Variants in MYZAP observed in about 807,000 individuals in gnomAD.
MYZAP encodes GRINL1A complex locus upstream.
A neutral mutation model predicts 69.4 loss-of-function variants in MYZAP; 66 were observed. The ratio of observed to expected loss-of-function variants is 0.95; its 90% CI spans 0.78 to 1.17. The LOEUF (loss-of-function observed/expected upper bound fraction) is 1.17, where lower values mean the gene tolerates loss of function less well. Ranked by LOEUF, MYZAP falls within the 50% of genes most tolerant of loss-of-function variation. The pLI is 0.00. For missense variants in MYZAP, 611 were observed against 556.2 expected (o/e 1.10, Z -0.99); for synonymous variants, 256 against 205.9 (o/e 1.24, Z -2.09).
Position 57,618,079 on chromosome 15 carries a change from G to A in MYZAP, c.209G>A (p.Gly70Asp), listed in dbSNP as rs141271435. 4.0e-5 allele frequency: 65 copies of A among 1,614,004 alleles called. No homozygotes were observed. Among genetic ancestry groups the A allele is most frequent in the Non-Finnish European group, 5.1e-5 (60 of 1,180,022 alleles). The change falls in exon 3 of 13, where the codon GGT becomes GAT. Residue 70 changes from glycine to aspartate, a missense_variant. Coordinates refer to ENST00000267853, the MANE Select transcript of MYZAP (RefSeq NM_001018100.5). ...NGEPTRKLPQ[G>D]VVYGVVRRSD... The stretch of plus-strand genomic sequence containing the variant: ...GAACCTACCAGGAAACTTCCTCAGG[G>A]TGTTGTTTATGGTGTGGTGCGAAGA...
chr15:57,623,185 G>A (rs1377221988), intron 4 of MYZAP, among the ~76,000 whole-genome samples: 1 of 152,190 alleles, frequency 6.6e-6, no homozygotes, highest in Non-Finnish European at 1.5e-5. Context: ...GAGTGGGTCA[G>A]GACATTGTTC....
rs540803069 is a variant in MYZAP at position 57,610,845 on chromosome 15, C to A, written c.162+6490C>A. ...TCTGAAAACCCACTGGACTATACAA[C>A]TCTTTTCCATTTTTCTAACCTTCTG... On this transcript the variant is annotated intron_variant, in intron 2 of 12. Coordinates refer to ENST00000267853, the MANE Select transcript of MYZAP (RefSeq NM_001018100.5). 1.3e-5 allele frequency among the ~76,000 whole-genome samples: 2 copies of A among 152,246 alleles called. 1 individual carries two copies. Among genetic ancestry groups the A allele is most frequent in the Admixed American group, 1.3e-4 (2 of 15,296 alleles).
chr15:57,640,461 T>C (rs67708283), intron 10 of MYZAP, among the ~76,000 whole-genome samples: 8,082 of 152,264 alleles, frequency 0.053, 348 homozygotes, highest in African/African-American at 0.11. Flanking sequence ...TGGTTGGCAG[T>C]GGAAAAATGA....
chr15:57,627,113 C>T (rs2433200), intron 5 of MYZAP, among the ~76,000 whole-genome samples: 151,830 of 152,258 alleles, frequency 1, 75,704 homozygotes, highest in Middle Eastern at 1. Context: ...CAGACTTAGT[C>T]GGTATTTGTA....
intron 2 of MYZAP, among the ~76,000 whole-genome samples, chr15:57,605,167 A>G (rs951133989): frequency 7.2e-5 from 11 of 152,166 alleles, no homozygotes; most frequent in Non-Finnish European, 1.3e-4. Context: ...GTGGGAATAT[A>G]GTAGGGAACA....
intron 11 of MYZAP, among the ~76,000 whole-genome samples, chr15:57,667,954 T>C (rs1316108392): frequency 6.6e-6 from 1 of 152,166 alleles, no homozygotes; most frequent in Non-Finnish European, 1.5e-5. Flanking sequence ...CTTTTTTTTC[T>C]GTAGATGGTG....
chr15:57,684,446 A>G lies in MYZAP; in HGVS notation c.1349A>G (p.Tyr450Cys). 6.8e-6 allele frequency: 11 copies of G among 1,613,610 alleles called. No homozygotes were observed. Among genetic ancestry groups the G allele is most frequent in the Admixed American group, 1.7e-5 (1 of 59,958 alleles). The change falls in exon 13 of 13, where the codon TAC (tyrosine) becomes TGC (cysteine). Residue 450 changes from tyrosine (Y) to cysteine (C), a missense_variant. Coordinates refer to ENST00000267853, the MANE Select transcript of MYZAP (RefSeq NM_001018100.5). ...TREIVMPSRN[Y>C]TPYTRVLELT... ...GAAATTGTGATGCCTTCTAGGAACT[A>G]CACCCCATACACAAGAGTCCTGGAG...
chr15:57,612,485 A>C (rs2035169916), intron 2 of MYZAP, among the ~76,000 whole-genome samples: 1 of 152,194 alleles, frequency 6.6e-6, no homozygotes, highest in Admixed American at 6.5e-5. Flanking sequence ...CAAATATTCC[A>C]TCTTTCTTTT....
intron 4 of MYZAP, among the ~76,000 whole-genome samples, chr15:57,623,541 T>C (rs1374738064): frequency 6.6e-6 from 1 of 152,106 alleles, no homozygotes. Flanking sequence ...GAGACCAGCC[T>C]GGCCAATGTG....
intron 3 of MYZAP, among the ~76,000 whole-genome samples, chr15:57,620,255 C>T (rs1328451748): frequency 6.6e-6 from 1 of 152,204 alleles, no homozygotes; most frequent in Non-Finnish European, 1.5e-5. Context: ...CAAATCTCCA[C>T]CAATATCCAG....
chr15:57,607,794 GC>G (rs2034849704), intron 2 of MYZAP, among the ~76,000 whole-genome samples: 1 of 152,230 alleles, frequency 6.6e-6, no homozygotes, highest in Non-Finnish European at 1.5e-5. Flanking sequence ...GGTGGTGGCA[GC>G]CCTTGAAGTT....
Position 57,625,824 on chromosome 15 carries a change from C to T in MYZAP, c.457C>T (p.Gln153Ter), listed in dbSNP as rs376537939. The T allele has an allele frequency of 1.8e-5, 29 of 1,614,062 alleles. No homozygotes were observed. Among genetic ancestry groups the T allele is most frequent in the Non-Finnish European group, 2.3e-5 (27 of 1,180,048 alleles). ...GTATCTGGAGAATCACATCCAAACC[C>T]AGTCGTCTGCCCTGGATCGTTTTAA... ...QEYLENHIQT[Q>*]SSALDRFNAM... is the part of the protein sequence containing the mutation. Residue 153 changes from glutamine (Q) to a stop codon, truncating the protein, a stop_gained, in exon 5 of 13, where the codon CAG becomes TAG. Transcript: ENST00000267853. LOFTEE classifies it high-confidence loss of function.
chr15:57,632,355 C>A, intron 6 of MYZAP, 79 bp from the exon 7 acceptor site: 1 of 1,594,476 alleles, frequency 6.3e-7, no homozygotes, highest in Non-Finnish European at 8.5e-7. Context: ...TGTGAGTCCC[C>A]ACATGAAATG....
At chr15:57,597,203 C>T (rs986224808) in intron 1 of MYZAP, among the ~76,000 whole-genome samples, 1 of 152,164 alleles carries the variant, frequency 6.6e-6, no homozygotes, top group African/African-American at 2.4e-5. Context: ...CGAGTTGCCT[C>T]ATCCTGCTGC....
In MYZAP at chr15:57,625,663, T is replaced by A. The variant is rs2036086899; in HGVS notation, c.412-116T>A. The A allele has an allele frequency of 4.5e-6, 4 of 882,296 alleles. No individual in the cohort carries two copies. In the South Asian group the frequency reaches 5.9e-5, roughly 13 times the overall value. 54.7% of individuals were successfully genotyped at this position (882,296 alleles called of 1,614,324 possible). On this transcript the variant is annotated intron_variant, in intron 4 of 12. Coordinates refer to ENST00000267853, the MANE Select transcript of MYZAP (RefSeq NM_001018100.5). ...GTTGACTTTTAATTTAAAGCTTTAC[T>A]TTAGATATTGTTGAAGTAGATGTGG...
intron 2 of MYZAP, among the ~76,000 whole-genome samples, chr15:57,608,150 G>T (rs2034875633): frequency 6.6e-6 from 1 of 152,208 alleles, no homozygotes; most frequent in African/African-American, 2.4e-5. Flanking sequence ...AGGATTTCCA[G>T]GGCCCTGTTA....
chr15:57,683,921 A>C (rs2140685419), intron 12 of MYZAP, among the ~76,000 whole-genome samples: 1 of 152,160 alleles, frequency 6.6e-6, no homozygotes, highest in Admixed American at 6.5e-5. Flanking sequence ...CAGCCTCCTG[A>C]GTAGCTGGGA....
At chr15:57,674,232 T>G (rs1254813712) in intron 11 of MYZAP, among the ~76,000 whole-genome samples, 1 of 152,188 alleles carries the variant, frequency 6.6e-6, no homozygotes, top group Non-Finnish European at 1.5e-5. Context: ...CTATTTTCAT[T>G]TTGGTATCTC....
chr15:57,594,966 T>C (rs951397743), intron 1 of MYZAP, among the ~76,000 whole-genome samples: 1 of 152,204 alleles, frequency 6.6e-6, no homozygotes, highest in African/African-American at 2.4e-5. Flanking sequence ...GTATTTCTGG[T>C]TCATCCAAAG....
Sources: allele counts gnomAD v4.1 joint callset (sites outside exome capture counted in the v4.1 genomes callset), GRCh38; gene constraint gnomAD v4.1.1; transcripts MANE v1.5; gene names NCBI Gene and HGNC (gene_info 2026-07-23, HGNC 2026-07-21).